COL5A2: variants seen among roughly 807,000 people sequenced by gnomAD.
COL5A2 encodes the protein collagen alpha-2(V) chain.
In COL5A2, 23 loss-of-function variants were observed where a neutral mutation model predicts 208.2. That is an observed-to-expected ratio of 0.11 (90% CI 0.08 to 0.16). The LOEUF is 0.16. Ranked by LOEUF, COL5A2 falls within the 10% of genes least tolerant of loss-of-function variation. The pLI is 1.00. For missense variants in COL5A2, 1,590 were observed against 1,956.4 expected (o/e 0.81, Z 3.53); for synonymous variants, 625 against 628.5 (o/e 0.99, Z 0.08).
At chr2:189,068,917 G>T in intron 18 of COL5A2, 33 bp from the exon 19 acceptor site, 1 of 1,420,060 alleles carries the variant, frequency 7.0e-7, no homozygotes, top group Non-Finnish European at 1.0e-6. Flanking sequence ...GTTAATTTAA[G>T]AAAAATACGA....
chr2:189,152,061 A>C (rs1338891990), intron 1 of COL5A2, among the ~76,000 whole-genome samples: 1 of 152,208 alleles, frequency 6.6e-6, no homozygotes, highest in African/African-American at 2.4e-5. Flanking sequence ...GAATTCTTCA[A>C]AATCTCAGAG....
In COL5A2 at chr2:189,191,858, A is replaced by C. The variant is rs16831196; in HGVS notation, c.-42+33290T>G. On this transcript the variant is annotated intron_variant, in intron 1 of 10. Transcript: ENST00000649966. ...TGTGTCTTGAGGGAGGCACAGAGAG[A>C]CATCAATAATATCCCCACATCTTTA... Among the ~76,000 whole-genome samples, 518 of 152,096 alleles carry C rather than the reference A, an allele frequency of 3.4e-3. 2 individuals are homozygous for C. Among genetic ancestry groups the C allele is most frequent in the African/African-American group, 0.012 (480 of 41,486 alleles).
At chr2:189,361,039 G>T in the COL5A2 span, among the ~76,000 whole-genome samples, 3 of 151,188 alleles carry the variant, frequency 2.0e-5, no homozygotes, top group Non-Finnish European at 4.4e-5. Flanking sequence ...TATCCTAAAA[G>T]ATTTTCTGTG....
rs532769251 is a variant in COL5A2, at chr2:189,100,193, T to A, written c.337-54A>T. On this transcript the variant is annotated intron_variant, in intron 3 of 53. Transcript: ENST00000374866. ...CAATTAGCACAATATAATGGCTTGC[T>A]GGGCAAAAACATGTCACCCTAGAAT... 5 of 1,454,268 alleles carry A rather than the reference T, an allele frequency of 3.4e-6. No homozygotes were observed. The South Asian group carries it at 5.7e-5, about 17-fold the overall frequency. 90.1% of individuals were successfully genotyped at this position (1,454,268 alleles called of 1,614,324 possible).
chr2:189,190,753 G>C (rs1222247480), intron 1 of COL5A2, among the ~76,000 whole-genome samples: 1 of 152,176 alleles, frequency 6.6e-6, no homozygotes, highest in Non-Finnish European at 1.5e-5. Flanking sequence ...TTTCAAATGT[G>C]ACTTATTCAT....
At chr2:189,334,251 C>A in the COL5A2 span, among the ~76,000 whole-genome samples, 1 of 151,468 alleles carries the variant, frequency 6.6e-6, no homozygotes, top group Admixed American at 6.6e-5. Context: ...TATGTCCTAG[C>A]CAGTACAAAA....
At chr2:189,198,286 G>A (rs193083909) in intron 1 of COL5A2, among the ~76,000 whole-genome samples, 42 of 152,224 alleles carry the variant, frequency 2.8e-4, no homozygotes, top group African/African-American at 9.4e-4. Flanking sequence ...TAAGTAATGC[G>A]CTGACAAGTA....
chr2:189,323,349 G>T, the COL5A2 span, among the ~76,000 whole-genome samples: 1 of 152,090 alleles, frequency 6.6e-6, no homozygotes, highest in East Asian at 1.9e-4. Flanking sequence ...GGAAATAAAG[G>T]GTATTCAATT....
At position 189,049,259 on chromosome 2, in the gene COL5A2, T is replaced by A. The variant is rs894918940; in HGVS notation, c.3147+88A>T. Reference sequence around the variant, plus strand: ...AACTTTCTTAAGGTCAAATATGCAATAAAATTCTAAATCAATTGCTAAATG... The same window carrying A: ...AACTTTCTTAAGGTCAAATATGCAAAAAAATTCTAAATCAATTGCTAAATG... On this transcript the variant is annotated intron_variant, in intron 44 of 53. Transcript: ENST00000374866. The A allele has an allele frequency of 3.8e-5, 35 of 923,588 alleles. No homozygotes were observed. The African/African-American group carries it at 5.4e-4, about 14-fold the overall frequency. The allele number at this position is 923,588 out of a possible 1,614,324, so 57.2% of individuals were successfully genotyped here. A position where few individuals can be genotyped will look rare whatever the true frequency, so the allele number is the denominator to read the frequency against.
chr2:189,285,709 G>C, the COL5A2 span, among the ~76,000 whole-genome samples: 6 of 152,084 alleles, frequency 3.9e-5, no homozygotes, highest in Admixed American at 2.6e-4. Flanking sequence ...GATAAAAGTG[G>C]TCGTTTAAAG....
chr2:189,126,625 C>T (rs1181922666), intron 1 of COL5A2, among the ~76,000 whole-genome samples: 1 of 151,932 alleles, frequency 6.6e-6, no homozygotes, highest in Non-Finnish European at 1.5e-5. Flanking sequence ...ATTTAATTTC[C>T]CCTACAGAGG....
chr2:189,254,268 A>G, the COL5A2 span, among the ~76,000 whole-genome samples: 1 of 142,570 alleles, frequency 7.0e-6, no homozygotes, highest in East Asian at 2.2e-4. Context: ...CTATAATTTA[A>G]CAGAGATGAT....
At chr2:189,208,630 T>C (rs902408819) in intron 1 of COL5A2, among the ~76,000 whole-genome samples, 1 of 152,092 alleles carries the variant, frequency 6.6e-6, no homozygotes, top group African/African-American at 2.4e-5. Context: ...AGCTGAAAAA[T>C]TCTATTTTGA....
At chr2:189,248,262 G>A in the COL5A2 span, among the ~76,000 whole-genome samples, 4,942 of 152,200 alleles carry the variant, frequency 0.032, 86 homozygotes, top group Admixed American at 0.047. Flanking sequence ...AACAAAGTCT[G>A]GCATTTCAGA....
the COL5A2 span, among the ~76,000 whole-genome samples, chr2:189,323,660 T>G: frequency 1.3e-5 from 2 of 151,986 alleles, no homozygotes; most frequent in Admixed American, 6.6e-5. Context: ...CACTGCTCAA[T>G]GAAATAAAAG....
At chr2:189,123,005 C>T (rs1019943804) in intron 1 of COL5A2, among the ~76,000 whole-genome samples, 4 of 152,026 alleles carry the variant, frequency 2.6e-5, no homozygotes, top group Non-Finnish European at 5.9e-5. Flanking sequence ...GCTCTTGTTG[C>T]CCAGGCTGGA....
chr2:189,338,629 TA>T, the COL5A2 span, among the ~76,000 whole-genome samples: 2 of 151,276 alleles, frequency 1.3e-5, no homozygotes, highest in African/African-American at 2.4e-5. Context: ...ATAATAACTA[TA>T]AAGATATGGA....
the COL5A2 span, chr2:189,312,054 T>C: frequency 2.6e-6 from 2 of 761,568 alleles, no homozygotes; most frequent in Non-Finnish European, 4.8e-6. Context: ...TCTGAAGTCA[T>C]CAGCAGCAAG....
At chr2:189,172,686 A>T (rs1413632170) in intron 1 of COL5A2, among the ~76,000 whole-genome samples, 2 of 152,092 alleles carry the variant, frequency 1.3e-5, no homozygotes, top group African/African-American at 2.4e-5. Flanking sequence ...TACTACATAG[A>T]CTACAACGAG....
Sources: allele counts gnomAD v4.1 joint callset (sites outside exome capture counted in the v4.1 genomes callset), GRCh38; gene constraint gnomAD v4.1.1; transcripts MANE v1.5; gene names NCBI Gene and HGNC (gene_info 2026-07-23, HGNC 2026-07-21).